GPHN: variants seen among roughly 807,000 people sequenced by gnomAD.
GPHN encodes the protein gephyrin.
GPHN carries 17 observed loss-of-function variants against 95.5 expected under a neutral mutation model. The observed-to-expected ratio is 0.18, with a 90% confidence interval of 0.12 to 0.27. The LOEUF (loss-of-function observed/expected upper bound fraction) is 0.27. Ranked by LOEUF, GPHN falls within the 10% of genes least tolerant of loss-of-function variation. The pLI is 1.00. For missense variants in GPHN, 660 were observed against 978.1 expected (o/e 0.67, Z 4.34); for synonymous variants, 320 against 322.5 (o/e 0.99, Z 0.08).
At chr14:67,450,406 C>T in the GPHN span, among the ~76,000 whole-genome samples, 3 of 152,196 alleles carry the variant, frequency 2.0e-5, no homozygotes, top group East Asian at 1.9e-4. Flanking sequence ...CAGAAGAAGA[C>T]AGAAAAATGA....
the GPHN span, among the ~76,000 whole-genome samples, chr14:67,608,872 A>G: frequency 6.6e-6 from 1 of 152,158 alleles, no homozygotes; most frequent in Non-Finnish European, 1.5e-5. Flanking sequence ...CAAAACACAA[A>G]CAGTTTGATT....
At chr14:67,286,730 C>T in the GPHN span, among the ~76,000 whole-genome samples, 9 of 151,006 alleles carry the variant, frequency 6.0e-5, no homozygotes, top group Admixed American at 1.3e-4. Flanking sequence ...TGGTGGAATG[C>T]GACTGTGGTC....
At chr14:67,586,146 G>C in the GPHN span, 1 of 1,599,524 alleles carries the variant, frequency 6.3e-7, no homozygotes, top group Non-Finnish European at 8.5e-7. Context: ...GATGTGGTGG[G>C]CTTGGAGCTT....
chr14:67,107,138 T>G (rs186006342), intron 13 of GPHN, among the ~76,000 whole-genome samples: 1 of 152,332 alleles, frequency 6.6e-6, no homozygotes, highest in African/African-American at 2.4e-5. Context: ...TCAGTGGTAG[T>G]AGTGGCATAG....
In GPHN at chr14:66,954,035, CAAAAAA is replaced by C. The variant is rs34877524; in HGVS notation, c.829-11144_829-11139del. On this transcript the variant is annotated intron_variant, in intron 8 of 22. Transcript: ENST00000478722. ...GGGCAACAAGAGCAAAACTCGGTCT[CAAAAAA>C]AAAAAAAAAAAGGAAGAAAGCAGGA... is the stretch of plus-strand genomic sequence containing the variant. Among the ~76,000 whole-genome samples, 20 of 128,886 alleles carry C rather than the reference CAAAAAA, an allele frequency of 1.6e-4. No homozygotes were observed. The South Asian group carries it at 5.0e-3, about 32-fold the overall frequency. 84.6% of individuals were successfully genotyped at this position (128,886 alleles called of 152,430 possible).
intron 13 of GPHN, among the ~76,000 whole-genome samples, chr14:67,108,183 A>AC (rs2078156280): frequency 6.6e-6 from 1 of 152,172 alleles, no homozygotes; most frequent in African/African-American, 2.4e-5. Flanking sequence ...TGGTACCTGA[A>AC]CCTGGGAAGA....
chr14:66,614,711 C>G (rs2062929414), intron 1 of GPHN, among the ~76,000 whole-genome samples: 1 of 151,580 alleles, frequency 6.6e-6, no homozygotes, highest in Non-Finnish European at 1.5e-5. Flanking sequence ...GATTAAACTT[C>G]AAGATGTTTT....
At chr14:67,060,774 C>T (rs946401239) in intron 11 of GPHN, among the ~76,000 whole-genome samples, 1 of 152,088 alleles carries the variant, frequency 6.6e-6, no homozygotes, top group African/African-American at 2.4e-5. Flanking sequence ...GCTCTTTTCA[C>T]ATCTTGTCCA....
chr14:67,226,285 G>A, the GPHN span, among the ~76,000 whole-genome samples: 1 of 152,132 alleles, frequency 6.6e-6, no homozygotes, highest in Admixed American at 6.5e-5. Context: ...TCTGCCTCCT[G>A]GGTTCAAGTG....
chr14:67,003,748 T>A (rs2072407184), intron 9 of GPHN, among the ~76,000 whole-genome samples: 1 of 151,778 alleles, frequency 6.6e-6, no homozygotes, highest in African/African-American at 2.4e-5. Flanking sequence ...AGATTACTTC[T>A]TGCTGCCTCT....
chr14:66,890,215 T>C (rs1325000007), intron 5 of GPHN, among the ~76,000 whole-genome samples: 2 of 152,074 alleles, frequency 1.3e-5, no homozygotes, highest in African/African-American at 2.4e-5. Flanking sequence ...AAAACCAGCC[T>C]GGGCAACATG....
At chr14:67,150,445 A>C (rs998721603) in intron 18 of GPHN, among the ~76,000 whole-genome samples, 1 of 144,246 alleles carries the variant, frequency 6.9e-6, no homozygotes, top group African/African-American at 2.7e-5. Context: ...CGTCTCAAAA[A>C]AAAAAAACAA....
chr14:67,033,262 A>G (rs1255804393), intron 10 of GPHN, among the ~76,000 whole-genome samples: 2 of 152,128 alleles, frequency 1.3e-5, no homozygotes, highest in African/African-American at 2.4e-5. Context: ...ACAGAAAAGT[A>G]AAGCAAAGAA....
chr14:66,636,250 C>T (rs937038781), intron 1 of GPHN, among the ~76,000 whole-genome samples: 1 of 151,952 alleles, frequency 6.6e-6, no homozygotes, highest in Non-Finnish European at 1.5e-5. Context: ...TTTATTTTAG[C>T]TGCCAGTAAG....
chr14:66,654,594 T>G (rs915393062), intron 1 of GPHN, among the ~76,000 whole-genome samples: 4 of 152,184 alleles, frequency 2.6e-5, no homozygotes, highest in Non-Finnish European at 5.9e-5. Flanking sequence ...ATGTTCTTGT[T>G]TCGTAGCCTC....
the GPHN span, among the ~76,000 whole-genome samples, chr14:67,452,606 G>A: frequency 1.2e-3 from 179 of 152,296 alleles, no homozygotes; most frequent in African/African-American, 4.1e-3. Flanking sequence ...CCTCTTCCAG[G>A]TTTTATAGGA....
chr14:66,908,039 C>T (rs1425908853), intron 5 of GPHN, among the ~76,000 whole-genome samples: 2 of 151,922 alleles, frequency 1.3e-5, no homozygotes, highest in Admixed American at 6.6e-5. Flanking sequence ...TATATATGCA[C>T]ACACAGGTTA....
At chr14:66,596,357 G>C (rs1020675110) in intron 1 of GPHN, among the ~76,000 whole-genome samples, 1 of 152,014 alleles carries the variant, frequency 6.6e-6, no homozygotes, top group African/African-American at 2.4e-5. Flanking sequence ...GTTTCACCAG[G>C]TACCTGCCCC....
the GPHN span, among the ~76,000 whole-genome samples, chr14:67,281,062 C>T: frequency 6.6e-6 from 1 of 151,778 alleles, no homozygotes; most frequent in African/African-American, 2.4e-5. Context: ...CCACACCTGG[C>T]TAATTTTTGT....
Sources: allele counts gnomAD v4.1 joint callset (sites outside exome capture counted in the v4.1 genomes callset), GRCh38; gene constraint gnomAD v4.1.1; transcripts MANE v1.5; gene names NCBI Gene and HGNC (gene_info 2026-07-23, HGNC 2026-07-21).